PIR: variants seen among roughly 807,000 people sequenced by gnomAD.
PIR encodes pirin (iron-binding nuclear protein).
A neutral mutation model predicts 24.2 loss-of-function variants in PIR; 22 were observed. That is an observed-to-expected ratio of 0.91 (90% CI 0.65 to 1.30). The LOEUF (loss-of-function observed/expected upper bound fraction) is 1.30, where lower values mean the gene tolerates loss of function less well. PIR is among the 50% of genes most tolerant of loss of function. The pLI, the probability that PIR is intolerant of heterozygous loss-of-function variation, is 0.00. For synonymous variants in PIR, 80 were observed against 79.6 expected, an observed-to-expected ratio of 1.00 and a Z score of -0.03; for missense variants, 220 against 220.3, an observed-to-expected ratio of 1.00 and a Z score of 0.01.
intron 3 of PIR, among the ~76,000 whole-genome samples, chrX:15,477,115 T>C (rs1488392680): frequency 9.0e-6 from 1 of 111,444 alleles, no homozygotes; most frequent in Admixed American, 9.6e-5. Context: ...TTTATCCTAG[T>C]CAGCATTTTC....
chrX:15,437,187 G>A (rs1303270854), intron 5 of PIR, among the ~76,000 whole-genome samples: 1 of 112,082 alleles, frequency 8.9e-6, no homozygotes, highest in Non-Finnish European at 1.9e-5. Context: ...GTGACCTTGG[G>A]AAAGACTTTT....
intron 6 of PIR, among the ~76,000 whole-genome samples, chrX:15,419,235 G>C (rs1332763466): frequency 9.0e-6 from 1 of 111,248 alleles, no homozygotes; most frequent in East Asian, 2.8e-4. Flanking sequence ...GACTATCAAA[G>C]CTGCAAATAA....
intron 2 of PIR, among the ~76,000 whole-genome samples, chrX:15,480,468 A>T (rs753751015): frequency 2.7e-5 from 3 of 112,344 alleles, no homozygotes; most frequent in African/African-American, 9.7e-5. Context: ...AGTATAAACA[A>T]GATGTATTCT....
chrX:15,475,122 T>TGTGGGAG (rs1922126491), intron 3 of PIR, among the ~76,000 whole-genome samples: 1 of 108,949 alleles, frequency 9.2e-6, no homozygotes, highest in Non-Finnish European at 1.9e-5. Context: ...AAACAGGCTA[T>TGTGGGAG]GTGGGAGGTG....
chrX:15,433,992 G>A (rs1925637551), intron 5 of PIR, among the ~76,000 whole-genome samples: 1 of 42,856 alleles, frequency 2.3e-5, no homozygotes, highest in African/African-American at 1.0e-4. Flanking sequence ...AGCAGGAGGA[G>A]GAGGAAGGAG....
At chrX:15,398,106 G>C (rs1258872770) in intron 7 of PIR, among the ~76,000 whole-genome samples, 2 of 109,786 alleles carry the variant, frequency 1.8e-5, no homozygotes, top group Non-Finnish European at 3.8e-5. Context: ...CTTGGGTGGG[G>C]GTAGGGGGGA....
rs1040075649 is a variant in PIR, at chrX:15,480,964, G to C, written c.97-1143C>G. Among the ~76,000 whole-genome samples, 3 of 112,522 alleles carry C rather than the reference G, an allele frequency of 2.7e-5. No individual in the cohort carries two copies. The Admixed American group carries it at 2.8e-4, about 11-fold the overall frequency. ...GTTATCTCAAATAGTCTGAGCAAAG[G>C]CAAAGGCCAGAACTAAGGCAATGGC... On this transcript the variant is annotated intron_variant, in intron 2 of 9. Transcript: ENST00000380420.
At chrX:15,403,971 C>G (rs1924470548) in intron 7 of PIR, among the ~76,000 whole-genome samples, 2 of 106,837 alleles carry the variant, frequency 1.9e-5, no homozygotes, top group Admixed American at 1.0e-4. Context: ...ACTTTGACAA[C>G]TAGTTAAACA....
At chrX:15,479,902 C>G in intron 2 of PIR, 81 bp from the exon 3 acceptor site, 1 of 472,432 alleles carries the variant, frequency 2.1e-6, no homozygotes, top group Non-Finnish European at 3.4e-6. Flanking sequence ...ACAGATCTAG[C>G]AAGCCTCATT....
At chrX:15,393,844 C>T (rs764001752) in intron 8 of PIR, among the ~76,000 whole-genome samples, 2 of 105,300 alleles carry the variant, frequency 1.9e-5, no homozygotes, top group Non-Finnish European at 3.9e-5. Context: ...CCATCAACCC[C>T]GGATGGGACC....
At chrX:15,450,473 A>G (rs1220680778) in intron 5 of PIR, among the ~76,000 whole-genome samples, 2 of 111,318 alleles carry the variant, frequency 1.8e-5, no homozygotes, top group Non-Finnish European at 3.8e-5. Flanking sequence ...CCATGATTTA[A>G]TAGTTTTTTT....
chrX:15,407,954 G>A (rs1175084534), intron 6 of PIR, among the ~76,000 whole-genome samples: 1 of 98,602 alleles, frequency 1.0e-5, no homozygotes, highest in Non-Finnish European at 2.0e-5. Flanking sequence ...TGTGTCTGAA[G>A]TGTGAAGCTG....
intron 3 of PIR, among the ~76,000 whole-genome samples, chrX:15,470,600 C>CTTTTTTTT (rs1185040119): frequency 4.4e-4 from 20 of 45,085 alleles, no homozygotes; most frequent in Non-Finnish European, 8.2e-4. Context: ...TTCTTTCTTT[C>CTTTTTTTT]TTTTTTTTTT....
chrX:15,426,408 G>A (rs770935738), intron 5 of PIR, among the ~76,000 whole-genome samples: 1 of 111,994 alleles, frequency 8.9e-6, no homozygotes, highest in African/African-American at 3.2e-5. Context: ...AATGCGGCCT[G>A]CACATATTTT....
chrX:15,398,523 A>C (rs187835482), intron 7 of PIR, among the ~76,000 whole-genome samples: 55 of 111,251 alleles, frequency 4.9e-4, no homozygotes, highest in African/African-American at 1.7e-3. Context: ...GGCATTCTAG[A>C]CAAGAGAAAA....
chrX:15,461,354 T>C (rs1248236422), intron 3 of PIR, among the ~76,000 whole-genome samples: 1 of 112,540 alleles, frequency 8.9e-6, no homozygotes, highest in Non-Finnish European at 1.9e-5. Context: ...ATATGTTAAA[T>C]GAATTCATAG....
chrX:15,465,588 GT>G (rs1921529392), intron 3 of PIR, among the ~76,000 whole-genome samples: 1 of 112,159 alleles, frequency 8.9e-6, no homozygotes, highest in African/African-American at 3.2e-5. Flanking sequence ...TGAAACAGGT[GT>G]TTTCTTAAAG....
chrX:15,490,998 G>A (rs959611254), intron 2 of PIR, among the ~76,000 whole-genome samples, 164 bp downstream of exon 2: 1 of 111,600 alleles, frequency 9.0e-6, no homozygotes, highest in African/African-American at 3.3e-5. Context: ...AACCCCCTTT[G>A]GGCTGGGGCT....
intron 3 of PIR, 144 bp downstream of exon 3, chrX:15,479,585 T>G: frequency 3.1e-6 from 1 of 317,616 alleles, no homozygotes; most frequent in African/African-American, 2.7e-5. Flanking sequence ...ATATTTAAAT[T>G]TGAGTATATC....
Sources: allele counts gnomAD v4.1 joint callset (sites outside exome capture counted in the v4.1 genomes callset), GRCh38; gene constraint gnomAD v4.1.1; transcripts MANE v1.5; gene names NCBI Gene and HGNC (gene_info 2026-07-23, HGNC 2026-07-21).